TSPEAR: variants seen among roughly 807,000 people sequenced by gnomAD.
TSPEAR encodes thrombospondin type laminin G domain and EAR repeats.
A neutral mutation model predicts 71.6 loss-of-function variants in TSPEAR; 69 were observed. The ratio of observed to expected loss-of-function variants is 0.96; its 90% confidence interval spans 0.79 to 1.18. TSPEAR has a LOEUF of 1.18. TSPEAR is among the 50% of genes most tolerant of loss of function. The pLI, the probability that TSPEAR is intolerant of heterozygous loss-of-function variation, is 0.00. For synonymous variants in TSPEAR, 402 were observed against 387.2 expected, an observed-to-expected ratio of 1.04 and a Z score of -0.45; for missense variants, 971 against 894.9, an observed-to-expected ratio of 1.09 and a Z score of -1.09.
At chr21:44,535,331 G>T (rs587730850) in intron 2 of TSPEAR, among the ~76,000 whole-genome samples, 1 of 152,124 alleles carries the variant, frequency 6.6e-6, no homozygotes, top group South Asian at 2.1e-4. Flanking sequence ...TGGGTTATGT[G>T]AAACAAAGCA....
rs577921563 is a variant in TSPEAR at position 44,706,411 on chromosome 21, GCA to G, written c.82+5020_82+5021del. Among the ~76,000 whole-genome samples the G allele has an allele frequency of 2.4e-3, 366 of 151,342 alleles. 1 individual carries two copies. Among genetic ancestry groups the G allele is most frequent in the Middle Eastern group, 3.4e-3 (1 of 294 alleles). Reference sequence around the variant, plus strand: ...CGTGCACCCATGCGCACGCACCCATGCACACACACGCGCGCACACACCCACGT... The same window carrying G: ...CGTGCACCCATGCGCACGCACCCATGCACACACGCGCGCACACACCCACGT... On this transcript the variant is annotated intron_variant, in intron 1 of 11. Coordinates refer to ENST00000323084, the MANE Select transcript of TSPEAR (RefSeq NM_144991.3).
chr21:44,511,235 C>T lies in TSPEAR; in HGVS notation c.1567-1849G>A, dbSNP rs73377677. Among the ~76,000 whole-genome samples, 483 of 152,160 alleles carry T rather than the reference C, an allele frequency of 3.2e-3. 5 individuals are homozygous for T. The highest frequency in any genetic ancestry group is 0.011 in the African/African-American group (463 of 41,458). ...GTACACATGCCTGCACACACCTGCACACACAGGCCCATACCTGCACACCTG... is the reference window on the plus strand; with the variant it reads ...GTACACATGCCTGCACACACCTGCATACACAGGCCCATACCTGCACACCTG... On this transcript the variant is annotated intron_variant, in intron 9 of 11. Coordinates refer to ENST00000323084, the MANE Select transcript of TSPEAR (RefSeq NM_144991.3).
chr21:44,666,792 G>A (rs781834499), intron 1 of TSPEAR: 2 of 1,611,992 alleles, frequency 1.2e-6, no homozygotes, highest in Admixed American at 1.7e-5. Context: ...ACAGCAGGAT[G>A]CCTGGCAGGA....
chr21:44,658,839 C>G (rs587754621), intron 1 of TSPEAR, among the ~76,000 whole-genome samples: 3 of 152,260 alleles, frequency 2.0e-5, no homozygotes, highest in African/African-American at 4.8e-5. Flanking sequence ...AGAGAAGAAG[C>G]TTCCAGATGG....
At chr21:44,544,851 T>A (rs1040051619) in intron 2 of TSPEAR, among the ~76,000 whole-genome samples, 89 of 152,226 alleles carry the variant, frequency 5.8e-4, no homozygotes, top group African/African-American at 2.0e-3. Context: ...CCACAGGACG[T>A]TATGCACTGA....
At chr21:44,574,448 G>A (rs1555923388) in intron 1 of TSPEAR, 1 of 1,602,356 alleles carries the variant, frequency 6.2e-7, no homozygotes, top group Non-Finnish European at 8.5e-7. Flanking sequence ...CCTGCTGCGT[G>A]CCCGTCTGCT....
intron 1 of TSPEAR, among the ~76,000 whole-genome samples, chr21:44,573,326 C>G (rs1433534117): frequency 6.6e-6 from 1 of 151,686 alleles, no homozygotes; most frequent in East Asian, 1.9e-4. Flanking sequence ...CACGGCAGAG[C>G]CACCCACAGG....
chr21:44,677,263 C>T lies in TSPEAR; in HGVS notation c.82+34170G>A, dbSNP rs1555947024. On this transcript the variant is annotated intron_variant, in intron 1 of 11. Transcript: ENST00000323084. ...AGAAGGGCATTGGCAGCTTCATCTACTGCCTTTCTGTGTTCCTTCAACGCA... is the reference window on the plus strand; with the variant it reads ...AGAAGGGCATTGGCAGCTTCATCTATTGCCTTTCTGTGTTCCTTCAACGCA... 5.5e-6 allele frequency: 4 copies of T among 732,400 alleles called. No homozygotes were observed. In the Middle Eastern group the frequency reaches 9.4e-4, roughly 173 times the overall value. The allele number at this position is 732,400 out of a possible 1,614,324, so 45.4% of individuals were successfully genotyped here.
chr21:44,634,816 A>C (rs187822377), intron 1 of TSPEAR, among the ~76,000 whole-genome samples: 16 of 152,370 alleles, frequency 1.1e-4, no homozygotes, highest in African/African-American at 3.8e-4. Context: ...GATGGCTATA[A>C]TTTAACACAC....
intron 10 of TSPEAR, 111 bp downstream of exon 10, chr21:44,509,088 C>T (rs2052281404): frequency 2.0e-5 from 28 of 1,386,954 alleles, no homozygotes; most frequent in Non-Finnish European, 2.6e-5. Context: ...GGAAGGTCCC[C>T]AGGCCAGTCT....
rs587775361 is a variant in TSPEAR, at chr21:44,552,455, C to T, written c.303+15330G>A. Among the ~76,000 whole-genome samples the T allele has an allele frequency of 2.6e-5, 4 of 152,262 alleles. No individual in the cohort carries two copies. The East Asian group carries it at 7.7e-4, about 29-fold the overall frequency. On this transcript the variant is annotated intron_variant, in intron 2 of 11. Coordinates refer to ENST00000323084, the MANE Select transcript of TSPEAR (RefSeq NM_144991.3). ...TCAGCTGGGGATGAGGCTACGGCAG[C>T]CTGGGACGGGCTTTCATGGTGGCCC...
At position 44,533,873 on chromosome 21, in the gene TSPEAR, C is replaced by T. The variant is rs200243038; in HGVS notation, c.354G>A (p.Leu118=). The part of the protein sequence containing the change: ...TVVAEESDLL[L]LGLRLSPAQL... ...GGGCAGGTGACAACCGCAGGCCGAG[C>T]AGCAGCAGGTCGCTCTCCTCTGCCA... Residue 118 remains leucine (L), a synonymous_variant, in exon 3 of 12, where the codon CTG becomes CTA. Transcript: ENST00000323084. The T allele has an allele frequency of 1.8e-4, 297 of 1,612,152 alleles. No homozygotes were observed. Among genetic ancestry groups the T allele is most frequent in the Non-Finnish European group, 2.4e-4 (283 of 1,179,858 alleles).
intron 1 of TSPEAR, among the ~76,000 whole-genome samples, chr21:44,626,556 C>T (rs1289697693): frequency 6.6e-6 from 1 of 152,202 alleles, no homozygotes; most frequent in Non-Finnish European, 1.5e-5. Context: ...CGATCCCTGC[C>T]CTGGAACAGA....
At chr21:44,511,366 AC>A (rs2052372522) in intron 9 of TSPEAR, among the ~76,000 whole-genome samples, 1 of 151,000 alleles carries the variant, frequency 6.6e-6, no homozygotes, top group Non-Finnish European at 1.5e-5. Flanking sequence ...CTGTGTACAC[AC>A]ACACATATAT....
intron 1 of TSPEAR, among the ~76,000 whole-genome samples, chr21:44,652,409 C>T (rs587628678): frequency 6.6e-6 from 1 of 152,344 alleles, no homozygotes; most frequent in Admixed American, 6.5e-5. Flanking sequence ...CCAGCACAGG[C>T]CACTTGAGCC....
chr21:44,680,376 C>A (rs2146295218), intron 1 of TSPEAR, among the ~76,000 whole-genome samples: 1 of 152,024 alleles, frequency 6.6e-6, no homozygotes, highest in South Asian at 2.1e-4. Flanking sequence ...TGGCTATTAT[C>A]AAAAAGACAA....
intron 1 of TSPEAR, among the ~76,000 whole-genome samples, chr21:44,660,280 A>T (rs1985418078): frequency 6.6e-6 from 1 of 152,252 alleles, no homozygotes; most frequent in Non-Finnish European, 1.5e-5. Context: ...AAGTTCGGAG[A>T]ACCCCAAATT....
chr21:44,508,917 C>T (rs782243520), intron 10 of TSPEAR: 15 of 1,501,462 alleles, frequency 1.0e-5, no homozygotes, highest in Admixed American at 3.6e-5. Flanking sequence ...CTCCACTGCT[C>T]GGATGAAAGG....
At chr21:44,641,755 G>A (rs1342429949) in intron 1 of TSPEAR, among the ~76,000 whole-genome samples, 3 of 152,220 alleles carry the variant, frequency 2.0e-5, no homozygotes, top group African/African-American at 7.2e-5. Flanking sequence ...GAAGATCAAA[G>A]TTATGCAAAT....
Sources: allele counts gnomAD v4.1 joint callset (sites outside exome capture counted in the v4.1 genomes callset), GRCh38; gene constraint gnomAD v4.1.1; transcripts MANE v1.5; gene names NCBI Gene and HGNC (gene_info 2026-07-23, HGNC 2026-07-21).